The following AXIN2 variants were observed in gnomAD, a reference collection of about 807,000 sequenced individuals.
The protein encoded by AXIN2 is axin 2.
In AXIN2, 21 loss-of-function variants were observed where a neutral mutation model predicts 74.7. The ratio of observed to expected loss-of-function variants is 0.28; its 90% confidence interval spans 0.20 to 0.40. The LOEUF (loss-of-function observed/expected upper bound fraction) is 0.40. Ranked by LOEUF, AXIN2 falls within the 10% of genes least tolerant of loss-of-function variation. The pLI is 1.00. For missense variants in AXIN2, 1,144 were observed against 1,111.1 expected (o/e 1.03, Z -0.42); for synonymous variants, 532 against 454.9 (o/e 1.17, Z -2.16).
At position 65,529,507 on chromosome 17, in the gene AXIN2, A is replaced by G. The variant is rs567413750; in HGVS notation, c.*469T>C. 8.6e-4 allele frequency: 270 copies of G among 315,516 alleles called. No individual in the cohort carries two copies. The highest frequency in any genetic ancestry group is 1.2e-3 in the Admixed American group (27 of 21,706). The allele number at this position is 315,516 out of a possible 1,614,324, so 19.5% of individuals were successfully genotyped here. ...TGAACGCACTCCTAGCTCAACTCCT[A>G]AGTTTAGTCAGAACAATTAAAACTT... On this transcript the variant is annotated 3_prime_UTR_variant, in exon 11 of 11. Transcript: ENST00000307078.
At chr17:65,560,955 T>A (rs1290998366) in intron 1 of AXIN2, 2 of 142,684 alleles carry the variant, frequency 1.4e-5, no homozygotes, top group Non-Finnish European at 3.1e-5. Context: ...TCGGGGAACA[T>A]GGGGAGTCGT....
intron 6 of AXIN2, 102 bp downstream of exon 6, chr17:65,537,222 A>G: frequency 6.3e-7 from 1 of 1,578,860 alleles, no homozygotes; most frequent in Admixed American, 1.7e-5. Context: ...CCGCCCTCTT[A>G]GAAACTAAAT....
At chr17:65,535,871 C>CA in intron 8 of AXIN2, 150 bp from the exon 9 acceptor site, 1 of 763,774 alleles carries the variant, frequency 1.3e-6, no homozygotes. Flanking sequence ...CCTGGGTTAA[C>CA]AGTGGCTGAA....
At chr17:65,535,274 G>C (rs1180046090) in intron 9 of AXIN2, among the ~76,000 whole-genome samples, 1 of 152,214 alleles carries the variant, frequency 6.6e-6, no homozygotes, top group Non-Finnish European at 1.5e-5. Flanking sequence ...CTCTGCCACA[G>C]TGGAGAATGA....
Position 65,561,512 on chromosome 17 carries a change from T to A in AXIN2, c.-179A>T, listed in dbSNP as rs1441063178. The A allele has an allele frequency of 1.3e-5, 2 of 150,506 alleles. No individual in the cohort carries two copies. Among genetic ancestry groups the A allele is most frequent in the Admixed American group, 1.3e-4 (2 of 15,132 alleles). The allele number at this position is 150,506 out of a possible 1,614,324, so 9.3% of individuals were successfully genotyped here. Reference sequence around the variant, plus strand: ...CGGGCGGCCCCGAAATCCATCGCTCTGAGGGGTTATTTTTATTTCCCGGCT... The same window carrying A: ...CGGGCGGCCCCGAAATCCATCGCTCAGAGGGGTTATTTTTATTTCCCGGCT... On this transcript the variant is annotated 5_prime_UTR_variant, in exon 1 of 11. Transcript: ENST00000307078.
chr17:65,528,736 T>C lies in AXIN2; in HGVS notation c.*1240A>G, dbSNP rs748632662. The C allele has an allele frequency of 2.1e-4, 104 of 503,496 alleles. No homozygotes were observed. The highest frequency in any genetic ancestry group is 1.9e-3 in the African/African-American group (98 of 51,404). The allele number at this position is 503,496 out of a possible 1,614,324, so 31.2% of individuals were successfully genotyped here. On this transcript the variant is annotated 3_prime_UTR_variant, in exon 11 of 11. Coordinates refer to ENST00000307078, the MANE Select transcript of AXIN2 (RefSeq NM_004655.4). The stretch of plus-strand genomic sequence containing the variant: ...AGACTTGTAATAAAAAGGCATAAAA[T>C]ATATTTATACATAAACCCCTTTCAA...
chr17:65,542,397 C>CAATGAACAAAAT (rs1256620589), intron 3 of AXIN2, among the ~76,000 whole-genome samples: 3 of 152,036 alleles, frequency 2.0e-5, no homozygotes, highest in Non-Finnish European at 4.4e-5. Context: ...GAGGCACAGG[C>CAATGAACAAAAT]AATGAACAAA....
intron 1 of AXIN2, among the ~76,000 whole-genome samples, chr17:65,559,179 T>C (rs951158597): frequency 6.6e-6 from 1 of 152,006 alleles, no homozygotes; most frequent in Non-Finnish European, 1.5e-5. Context: ...TGTGTGCAGG[T>C]GAAACCAATT....
At chr17:65,539,212 C>T (rs905984679) in intron 4 of AXIN2, among the ~76,000 whole-genome samples, 2 of 151,162 alleles carry the variant, frequency 1.3e-5, no homozygotes, top group South Asian at 2.1e-4. Flanking sequence ...AGTTGTTCTA[C>T]CTCCTTCTTC....
intron 6 of AXIN2, 26 bp downstream of exon 6, chr17:65,537,298 G>C (rs755950139): frequency 8.1e-6 from 13 of 1,613,308 alleles, no homozygotes; most frequent in Non-Finnish European, 1.1e-5. Flanking sequence ...CCCCACACGG[G>C]ACACTGCGGT....
In AXIN2 at chr17:65,561,449, C is replaced by T. The variant is rs934422806; in HGVS notation, c.-117+1G>A. On this transcript the variant is annotated splice_donor_variant, in intron 1 of 10. Transcript: ENST00000307078. LOFTEE classifies it low-confidence loss of function (5UTR_SPLICE). ...CGCTGGGGCCGAGCTTCCACCCCCA[C>T]CTTTTACAGCAGGGCCTTCGGCGGG... 2 of 150,438 alleles carry T rather than the reference C, an allele frequency of 1.3e-5. No individual in the cohort carries two copies. The highest frequency in any genetic ancestry group is 3.0e-5 in the Non-Finnish European group (2 of 67,412). The allele number at this position is 150,438 out of a possible 1,614,324, so 9.3% of individuals were successfully genotyped here. A position where few individuals can be genotyped will look rare whatever the true frequency, so the allele number is the denominator to read the frequency against.
At chr17:65,559,149 C>G (rs1014409931) in intron 1 of AXIN2, among the ~76,000 whole-genome samples, 1 of 152,098 alleles carries the variant, frequency 6.6e-6, no homozygotes, top group East Asian at 1.9e-4. Flanking sequence ...TCCAAAAAGG[C>G]GCACTCCCAG....
At chr17:65,538,445 C>T (rs1458063910) in intron 4 of AXIN2, 102 bp from the exon 5 acceptor site, 1 of 1,504,424 alleles carries the variant, frequency 6.6e-7, no homozygotes, top group East Asian at 2.3e-5. Flanking sequence ...ACCGCAAACC[C>T]ATGTTCGGGT....
chr17:65,534,077 T>G lies in AXIN2; in HGVS notation c.2240A>C (p.His747Pro). ...FSNPSLAPED[H>P]KEPKKLAGVH... ...ACCTGCCAGTTTCTTTGGCTCTTTGTGACTGAAAATAAGATGGAATGGAAC... is the reference window on the plus strand; with the variant it reads ...ACCTGCCAGTTTCTTTGGCTCTTTGGGACTGAAAATAAGATGGAATGGAAC... The change falls in exon 10 of 11, where the codon CAC becomes CCC. Residue 747 changes from histidine (H) to proline (P), a missense_variant and splice_region_variant. His to Pro is a moderately conservative substitution (Grantham distance 77). Around this residue, in one of 4 missense-constraint regions of AXIN2, gnomAD observed 1,053 missense variants for 973.5 expected, o/e 1.08. Transcript: ENST00000307078. 1 of 1,614,178 alleles carries G rather than the reference T, an allele frequency of 6.2e-7. No individual in the cohort carries two copies. The highest frequency in any genetic ancestry group is 1.1e-5 in the South Asian group (1 of 91,074).
rs730881398 is a variant in AXIN2 at position 65,537,385 on chromosome 17, A to G, written c.1651T>C (p.Cys551Arg). ...GAGTGGCTTTTGCATTTCGAGTAGC[A>G]GTAATACTCGCTGCCCCCAGGGCAG... is the stretch of plus-strand genomic sequence containing the variant. ...CFCPGGSEYY[C>R]YSKCKSHSKA... Residue 551 changes from cysteine (C) to arginine (R), a missense_variant, in exon 6 of 11, where the codon TGC (cysteine) becomes CGC (arginine). Physicochemically the swap from Cys to Arg is radical, Grantham distance 180. Coordinates refer to ENST00000307078, the MANE Select transcript of AXIN2 (RefSeq NM_004655.4). 9.8e-5 allele frequency: 158 copies of G among 1,613,962 alleles called. No homozygotes were observed. Among genetic ancestry groups the G allele is most frequent in the Non-Finnish European group, 1.3e-4 (156 of 1,180,036 alleles).
At position 65,558,201 on chromosome 17, in the gene AXIN2, C is replaced by G. The variant is rs2144586352; in HGVS notation, c.420G>C (p.Glu140Asp). The change falls in exon 2 of 11, where the codon GAG becomes GAC. Residue 140 changes from glutamate (E) to aspartate (D), a missense_variant. Glu to Asp is a conservative substitution (Grantham distance 45). This residue lies in a region of AXIN2 where 1,053 missense variants were observed against 973.5 expected (regional missense o/e 1.08). Coordinates refer to ENST00000307078, the MANE Select transcript of AXIN2 (RefSeq NM_004655.4). ...VAKAIYKRYI[E>D]NNSIVSKQLK... ...GCTGCTTGGAGACAATGCTGTTGTT[C>G]TCAATGTACCTTTTGTAGATCGCTT... The G allele has an allele frequency of 6.2e-7, 1 of 1,614,112 alleles. No homozygotes were observed.
intron 9 of AXIN2, among the ~76,000 whole-genome samples, chr17:65,535,243 C>A (rs1341442398): frequency 6.6e-6 from 1 of 152,172 alleles, no homozygotes; most frequent in Non-Finnish European, 1.5e-5. Flanking sequence ...CAAACAAAAA[C>A]ACAAGGATGG....
At chr17:65,560,284 C>G (rs12452505) in intron 1 of AXIN2, 15,331 of 152,266 alleles carry the variant, frequency 0.1, 1,018 homozygotes, top group Middle Eastern at 0.17. Flanking sequence ...GGGACACGGG[C>G]GCCCCGGACT....
intron 3 of AXIN2, among the ~76,000 whole-genome samples, chr17:65,545,190 A>C (rs1433543223): frequency 6.6e-6 from 1 of 152,200 alleles, no homozygotes; most frequent in African/African-American, 2.4e-5. Flanking sequence ...AAGAAGAGAC[A>C]AAGGCCTCCA....
Sources: gnomAD v4.1 joint callset for allele counts (sites outside exome capture counted in the v4.1 genomes callset) on GRCh38, gnomAD v4.1.1 for gene constraint, gnomAD v4.1.1 regional missense constraint, MANE v1.5 for transcripts, NCBI Gene and HGNC (gene_info 2026-07-23, HGNC 2026-07-21) for gene names.